ITGB3BP: variants seen among roughly 807,000 people sequenced by gnomAD.
The protein encoded by ITGB3BP is integrin subunit beta 3 binding protein, also known as centromere protein R.
A neutral mutation model predicts 29.1 loss-of-function variants in ITGB3BP; 27 were observed. That is an observed-to-expected ratio of 0.93 (90% confidence interval 0.68 to 1.28). The LOEUF (loss-of-function observed/expected upper bound fraction) is 1.28, where lower values mean the gene tolerates loss of function less well. ITGB3BP is among the 50% of genes most tolerant of loss of function. The pLI is 0.00. For missense variants in ITGB3BP, 192 were observed against 200.2 expected, an observed-to-expected ratio of 0.96 and a Z score of 0.25; for synonymous variants, 61 against 61.4, an observed-to-expected ratio of 0.99 and a Z score of 0.03.
At chr1:63,510,158 C>A (rs1432389631) in intron 1 of ITGB3BP, 1 of 575,242 alleles carries the variant, frequency 1.7e-6, no homozygotes, top group Non-Finnish European at 3.2e-6. Flanking sequence ...CCATTGCACT[C>A]TAGCCTGGGC....
intron 4 of ITGB3BP, among the ~76,000 whole-genome samples, chr1:63,462,461 C>A (rs1025477708): frequency 2.6e-5 from 4 of 152,070 alleles, no homozygotes; most frequent in African/African-American, 7.2e-5. Flanking sequence ...ACTTTTATTT[C>A]TTTTTCTTAT....
intron 4 of ITGB3BP, among the ~76,000 whole-genome samples, chr1:63,462,427 A>G (rs763536094): frequency 1.7e-4 from 26 of 152,154 alleles, no homozygotes; most frequent in South Asian, 2.1e-4. Flanking sequence ...AGATTGTTTT[A>G]CTTTTTCCCT....
rs1272288245 is a variant in ITGB3BP, at chr1:63,454,404, CTCTTTT to C, written c.397_402del (p.Lys133_Arg134del). The C allele has an allele frequency of 1.3e-6, 2 of 1,595,120 alleles. No individual in the cohort carries two copies. The highest frequency in any genetic ancestry group is 1.7e-6 in the Non-Finnish European group (2 of 1,166,432). Reference sequence around the variant, plus strand: ...CTTAGTTCTTTGGTTTTCTGCATTTCTCTTTTTAAGAAATGTGATGCACAGGAGATT... The same window carrying C: ...CTTAGTTCTTTGGTTTTCTGCATTTCTAAGAAATGTGATGCACAGGAGATT... On this transcript the variant is annotated inframe_deletion, in exon 6 of 9. Transcript: ENST00000271002. This position sits in a 1 kb window ranked among gnomAD's most constrained non-coding sequence, Gnocchi z 4.1.
chr1:63,443,738 T>C (rs923794061), intron 8 of ITGB3BP, among the ~76,000 whole-genome samples: 1 of 152,022 alleles, frequency 6.6e-6, no homozygotes, highest in Non-Finnish European at 1.5e-5. Context: ...GAAAGGAGAA[T>C]TAAGCATTCT....
At chr1:63,478,107 T>C (rs1645372334) in intron 4 of ITGB3BP, among the ~76,000 whole-genome samples, 1 of 152,218 alleles carries the variant, frequency 6.6e-6, no homozygotes, top group Non-Finnish European at 1.5e-5. Context: ...TGTTATACTA[T>C]ATTGGTTTAG....
At chr1:63,488,134 T>C (rs1645567716) in intron 3 of ITGB3BP, among the ~76,000 whole-genome samples, 1 of 152,104 alleles carries the variant, frequency 6.6e-6, no homozygotes, top group African/African-American at 2.4e-5. Flanking sequence ...AAATATAATA[T>C]TAAGTCTTCT....
At position 63,502,026 on chromosome 1, in the gene ITGB3BP, G is replaced by A. The variant is rs899284320; in HGVS notation, c.48+6502C>T. 4.6e-5 allele frequency among the ~76,000 whole-genome samples: 7 copies of A among 152,248 alleles called. No homozygotes were observed. The South Asian group carries it at 6.2e-4, about 14-fold the overall frequency. ...GAAGTATGCTCTTCTCTTCCCAACC[G>A]TAGCATCTTCTATTCTCTCTCTGAA... On this transcript the variant is annotated intron_variant, in intron 2 of 8. Transcript: ENST00000271002.
intron 1 of ITGB3BP, 102 bp from the exon 2 acceptor site, chr1:63,508,672 C>A (rs1157655693): frequency 1.8e-6 from 1 of 543,934 alleles, no homozygotes; most frequent in African/African-American, 2.0e-5. Flanking sequence ...TTAGTTCTAC[C>A]AACCAATTTT....
chr1:63,458,762 TTAAC>T (rs1644971329), intron 4 of ITGB3BP, among the ~76,000 whole-genome samples: 1 of 152,198 alleles, frequency 6.6e-6, no homozygotes, highest in Non-Finnish European at 1.5e-5. Flanking sequence ...ACAACCTGTG[TTAAC>T]TAATAAAGTG....
Position 63,454,994 on chromosome 1 carries a change from T to C in ITGB3BP, c.255-26A>G. ...CTAGTAATAAAGAAAAAGACAATAC[T>C]TAGCAAGGGGAAGCATTTAAACATG... On this transcript the variant is annotated intron_variant, in intron 4 of 8. Transcript: ENST00000271002. This position sits in a 1 kb window ranked among gnomAD's most constrained non-coding sequence, Gnocchi z 4.1. 8.8e-7 allele frequency: 1 copy of C among 1,139,262 alleles called. No homozygotes were observed. The highest frequency in any genetic ancestry group is 1.2e-5 in the South Asian group (1 of 80,078). The allele number at this position is 1,139,262 out of a possible 1,614,324, so 70.6% of individuals were successfully genotyped here.
intron 2 of ITGB3BP, among the ~76,000 whole-genome samples, chr1:63,497,357 A>C (rs1262090229): frequency 6.6e-6 from 1 of 152,202 alleles, no homozygotes; most frequent in East Asian, 1.9e-4. Flanking sequence ...TTCTGGACTT[A>C]GAGACCTAGA....
intron 8 of ITGB3BP, among the ~76,000 whole-genome samples, chr1:63,445,632 GCT>G (rs57429404): frequency 0.024 from 3,269 of 138,412 alleles, 122 homozygotes; most frequent in African/African-American, 0.094. Context: ...ACAGGGTCTC[GCT>G]CTGTCACCCA....
intron 4 of ITGB3BP, chr1:63,458,192 C>T (rs1644963189): frequency 6.6e-6 from 1 of 152,144 alleles, no homozygotes; most frequent in Non-Finnish European, 1.5e-5. Context: ...TCTACATTAA[C>T]TTCTTCAGTC....
At chr1:63,499,443 G>A (rs1311316235) in intron 2 of ITGB3BP, among the ~76,000 whole-genome samples, 4 of 151,984 alleles carry the variant, frequency 2.6e-5, no homozygotes, top group East Asian at 1.9e-4. Context: ...GAGCCACTGC[G>A]CCCAGCCTTT....
At chr1:63,502,238 T>C (rs1645949904) in intron 2 of ITGB3BP, among the ~76,000 whole-genome samples, 1 of 152,172 alleles carries the variant, frequency 6.6e-6, no homozygotes, top group African/African-American at 2.4e-5. Context: ...AGTAGATGAT[T>C]ATAAATTGGA....
intron 4 of ITGB3BP, among the ~76,000 whole-genome samples, chr1:63,460,284 A>G (rs138095706): frequency 7.4e-4 from 113 of 152,310 alleles, no homozygotes; most frequent in Admixed American, 1.4e-3. Context: ...CTGTATAACC[A>G]TTAAGCAGTA....
chr1:63,480,329 T>TA, intron 3 of ITGB3BP, among the ~76,000 whole-genome samples: 1 of 152,258 alleles, frequency 6.6e-6, no homozygotes, highest in East Asian at 1.9e-4. Context: ...ATAACTGTTT[T>TA]ATGAGCTATT....
At chr1:63,499,640 T>C (rs60815364) in intron 2 of ITGB3BP, among the ~76,000 whole-genome samples, 2,743 of 152,222 alleles carry the variant, frequency 0.018, 76 homozygotes, top group African/African-American at 0.063. Context: ...TTATATGTCA[T>C]AGCCAAGCAG....
intron 4 of ITGB3BP, among the ~76,000 whole-genome samples, chr1:63,460,468 G>A (rs987245091): frequency 3.3e-5 from 5 of 152,192 alleles, no homozygotes; most frequent in Non-Finnish European, 5.9e-5. Context: ...GTTGTAGCAT[G>A]TATCAGAACT....
Sources: allele counts gnomAD v4.1 joint callset (sites outside exome capture counted in the v4.1 genomes callset), GRCh38; gene constraint gnomAD v4.1.1; non-coding constraint Gnocchi (gnomAD v3.1); transcripts MANE v1.5; gene names NCBI Gene and HGNC (gene_info 2026-07-23, HGNC 2026-07-21).